CELF4: variants seen among roughly 807,000 people sequenced by gnomAD.
CELF4 encodes the protein CUG-BP- and ETR-3-like factor 4.
Under a neutral mutation model 59.9 loss-of-function variants are expected in CELF4, and 18 were observed. That is an observed-to-expected ratio of 0.30 (90% CI 0.21 to 0.45). CELF4 has a LOEUF of 0.45. Ranked by LOEUF, CELF4 falls within the 20% of genes least tolerant of loss-of-function variation. The probability of loss-of-function intolerance (pLI) is 1.00; values close to 1 mark genes in which losing one functional copy is unlikely to be tolerated. For missense variants in CELF4, 456 were observed against 689.0 expected, an observed-to-expected ratio of 0.66 and a Z score of 3.79; for synonymous variants, 261 against 267.1, an observed-to-expected ratio of 0.98 and a Z score of 0.22.
intron 1 of CELF4, among the ~76,000 whole-genome samples, chr18:37,562,293 T>C (rs1400250330): frequency 6.6e-6 from 1 of 152,180 alleles, no homozygotes; most frequent in South Asian, 2.1e-4. Context: ...CTTCTTTAGA[T>C]ATCTGAAATG....
At chr18:37,353,021 A>C (rs981696021) in intron 2 of CELF4, among the ~76,000 whole-genome samples, 3 of 152,052 alleles carry the variant, frequency 2.0e-5, no homozygotes, top group Non-Finnish European at 4.4e-5. Context: ...GGAGATCGAG[A>C]CCATCCTGGC....
intron 2 of CELF4, among the ~76,000 whole-genome samples, chr18:37,455,804 C>A (rs1466654118): frequency 2.0e-5 from 3 of 152,190 alleles, no homozygotes; most frequent in South Asian, 4.1e-4. Flanking sequence ...GGTTTGGGCC[C>A]CCGGGCTCTC....
chr18:37,297,314 G>A (rs1026048383), intron 3 of CELF4, among the ~76,000 whole-genome samples: 10 of 152,170 alleles, frequency 6.6e-5, no homozygotes, highest in Non-Finnish European at 1.2e-4. Context: ...CATCTCTTTG[G>A]GGTAAGCATT....
At chr18:37,494,969 G>C (rs570853441) in intron 1 of CELF4, among the ~76,000 whole-genome samples, 34 of 152,284 alleles carry the variant, frequency 2.2e-4, no homozygotes, top group African/African-American at 7.5e-4. Context: ...CTCTATCACA[G>C]GTGCCCTTTC....
chr18:37,368,029 C>T (rs2098809784), intron 2 of CELF4, among the ~76,000 whole-genome samples: 1 of 151,988 alleles, frequency 6.6e-6, no homozygotes, highest in South Asian at 2.1e-4. Flanking sequence ...GGGGAACCAG[C>T]CCTGGGTATA....
intron 2 of CELF4, among the ~76,000 whole-genome samples, chr18:37,359,845 G>C (rs625769): frequency 0.85 from 129,289 of 151,646 alleles, 55,256 homozygotes; most frequent in East Asian, 0.92. Context: ...CCATGCCTGG[G>C]CTTTCTTTTT....
At chr18:37,284,024 ACCC>A in intron 3 of CELF4, among the ~76,000 whole-genome samples, 1 of 4,238 alleles carries the variant, frequency 2.4e-4, no homozygotes, top group South Asian at 8.9e-3. Context: ...ATGCACACAC[ACCC>A]AACACACACA....
chr18:37,497,566 C>T (rs1176760871), intron 1 of CELF4, among the ~76,000 whole-genome samples: 8 of 151,632 alleles, frequency 5.3e-5, no homozygotes, highest in Middle Eastern at 3.4e-3. Flanking sequence ...ACAGGAGAGG[C>T]GCTTGAACCC....
At chr18:37,409,923 G>A (rs762434108) in intron 2 of CELF4, among the ~76,000 whole-genome samples, 3 of 152,156 alleles carry the variant, frequency 2.0e-5, no homozygotes, top group Admixed American at 6.5e-5. Flanking sequence ...CACATGCAGC[G>A]CCTCAGGGCC....
At chr18:37,403,975 C>T (rs1350886886) in intron 2 of CELF4, among the ~76,000 whole-genome samples, 2 of 152,174 alleles carry the variant, frequency 1.3e-5, no homozygotes, top group African/African-American at 2.4e-5. Context: ...CTTTGCCCCC[C>T]GCTGTGAGGC....
At chr18:37,394,101 G>A (rs2099206255) in intron 2 of CELF4, among the ~76,000 whole-genome samples, 1 of 152,098 alleles carries the variant, frequency 6.6e-6, no homozygotes, top group Non-Finnish European at 1.5e-5. Context: ...CGCGGGAGGG[G>A]CCCGCGGCAG....
At chr18:37,428,708 G>T (rs76851844) in intron 2 of CELF4, among the ~76,000 whole-genome samples, 2,232 of 152,254 alleles carry the variant, frequency 0.015, 54 homozygotes, top group African/African-American at 0.051. Flanking sequence ...CTGTCAGTAG[G>T]GTTGTATGAG....
Position 37,452,151 on chromosome 18 carries a change from G to A in CELF4, c.369+33374C>T, listed in dbSNP as rs185981216. Among the ~76,000 whole-genome samples the A allele has an allele frequency of 2.8e-3, 423 of 152,308 alleles. 5 individuals carry two copies. The highest frequency in any genetic ancestry group is 0.021 in the Admixed American group (321 of 15,308). ...ACTCATCTCTGCCAGCAATGGTGTCGGCTGAATGCACGCCACCCTGAGCCA... is the reference window on the plus strand; with the variant it reads ...ACTCATCTCTGCCAGCAATGGTGTCAGCTGAATGCACGCCACCCTGAGCCA... On this transcript the variant is annotated intron_variant, in intron 2 of 12. Coordinates refer to ENST00000420428, the MANE Select transcript of CELF4 (RefSeq NM_020180.4).
At chr18:37,275,363 C>G (rs1463794604) in intron 3 of CELF4, 120 bp from the exon 4 acceptor site, 6 of 261,676 alleles carry the variant, frequency 2.3e-5, no homozygotes, top group Non-Finnish European at 3.0e-5. Flanking sequence ...GGCGGGGGCT[C>G]GGAGCCGGCG....
intron 2 of CELF4, among the ~76,000 whole-genome samples, chr18:37,400,227 CT>C (rs1392851368): frequency 2.0e-5 from 3 of 152,214 alleles, no homozygotes; most frequent in Admixed American, 2.0e-4. Context: ...GAGTTTCTAG[CT>C]TGCTGCTCTG....
intron 2 of CELF4, among the ~76,000 whole-genome samples, chr18:37,334,921 C>T (rs546481541): frequency 2.0e-5 from 3 of 152,232 alleles, no homozygotes; most frequent in South Asian, 4.1e-4. Context: ...CCTGAGTCAT[C>T]CTAGAAATGG....
chr18:37,453,141 C>A (rs186782431), intron 2 of CELF4, among the ~76,000 whole-genome samples: 65 of 152,382 alleles, frequency 4.3e-4, no homozygotes, highest in African/African-American at 1.4e-3. Flanking sequence ...CTTTTCTCTG[C>A]CTGTAGCAAT....
At chr18:37,514,553 A>G (rs1281935771) in intron 1 of CELF4, among the ~76,000 whole-genome samples, 1 of 152,158 alleles carries the variant, frequency 6.6e-6, no homozygotes, top group African/African-American at 2.4e-5. Context: ...ATGAACAGAC[A>G]ATCACACGAG....
chr18:37,484,291 G>A (rs945345323), intron 2 of CELF4, among the ~76,000 whole-genome samples: 11 of 152,168 alleles, frequency 7.2e-5, no homozygotes, highest in Non-Finnish European at 1.3e-4. Flanking sequence ...CATAACATGG[G>A]GCGATGTGAG....
Sources: allele counts gnomAD v4.1 joint callset (sites outside exome capture counted in the v4.1 genomes callset), GRCh38; gene constraint gnomAD v4.1.1; transcripts MANE v1.5; gene names NCBI Gene and HGNC (gene_info 2026-07-23, HGNC 2026-07-21).